The following GALNT13 variants were observed in gnomAD, a reference collection of about 807,000 sequenced individuals.
GALNT13 encodes the protein polypeptide N-acetylgalactosaminyltransferase 13.
In GALNT13, 28 loss-of-function variants were observed where a neutral mutation model predicts 64.2. The ratio of observed to expected loss-of-function variants is 0.44; its 90% CI spans 0.32 to 0.60. The LOEUF is 0.60. Ranked by LOEUF, GALNT13 falls within the 20% of genes least tolerant of loss-of-function variation. The pLI is 0.05. For synonymous variants in GALNT13, 214 were observed against 224.6 expected (o/e 0.95, Z 0.42); for missense variants, 577 against 669.8 (o/e 0.86, Z 1.53).
the GALNT13 span, among the ~76,000 whole-genome samples, chr2:153,467,836 CAGTG>C: frequency 1.3e-5 from 2 of 151,946 alleles, no homozygotes; most frequent in Non-Finnish European, 2.9e-5. Flanking sequence ...TAGAAGAAAA[CAGTG>C]AGAGGAGAAT....
At chr2:154,389,819 TA>T (rs1328795052) in intron 9 of GALNT13, among the ~76,000 whole-genome samples, 1 of 152,098 alleles carries the variant, frequency 6.6e-6, no homozygotes, top group African/African-American at 2.4e-5. Context: ...AAAAAAAATG[TA>T]ATTATGTGTA....
At position 154,313,597 on chromosome 2, in the gene GALNT13, G is replaced by A. The variant is rs918626942; in HGVS notation, c.1156+12008G>A. On this transcript the variant is annotated intron_variant, in intron 9 of 12. Coordinates refer to ENST00000392825, the MANE Select transcript of GALNT13 (RefSeq NM_052917.4). ...AGCCTCCCAAGTAGCTGGGACTATA[G>A]GCATGCATCACCATGCCCAGCTAAT... is the stretch of plus-strand genomic sequence containing the variant. Among the ~76,000 whole-genome samples, 14 of 151,838 alleles carry A rather than the reference G, an allele frequency of 9.2e-5. No individual in the cohort carries two copies. In the South Asian group the frequency reaches 2.9e-3, roughly 32 times the overall value.
At chr2:153,276,790 G>C in the GALNT13 span, among the ~76,000 whole-genome samples, 1 of 151,926 alleles carries the variant, frequency 6.6e-6, no homozygotes, top group Non-Finnish European at 1.5e-5. Flanking sequence ...ATATATTCTA[G>C]ATTTAGGTTC....
intron 3 of GALNT13, among the ~76,000 whole-genome samples, chr2:154,118,087 A>C (rs1681705112): frequency 6.6e-6 from 1 of 152,182 alleles, no homozygotes; most frequent in Non-Finnish European, 1.5e-5. Context: ...TCTGTTTATA[A>C]GTAGAGTATT....
chr2:153,767,389 G>A, the GALNT13 span, among the ~76,000 whole-genome samples: 2 of 151,956 alleles, frequency 1.3e-5, no homozygotes, highest in Admixed American at 1.3e-4. Flanking sequence ...CTTCACTATT[G>A]TAAGTTGTAC....
chr2:153,507,253 A>G, the GALNT13 span, among the ~76,000 whole-genome samples: 3 of 151,754 alleles, frequency 2.0e-5, no homozygotes, highest in Non-Finnish European at 2.9e-5. Flanking sequence ...CGTATCCTGC[A>G]TCATGTGTTT....
At chr2:153,141,445 G>T in the GALNT13 span, among the ~76,000 whole-genome samples, 2 of 152,034 alleles carry the variant, frequency 1.3e-5, no homozygotes, top group African/African-American at 2.4e-5. Flanking sequence ...AGTTGGGGCA[G>T]GGTAGAGGAA....
At chr2:153,993,539 C>CA (rs960307110) in intron 3 of GALNT13, among the ~76,000 whole-genome samples, 3 of 150,684 alleles carry the variant, frequency 2.0e-5, no homozygotes, top group Non-Finnish European at 3.0e-5. Context: ...ACTAAAAATA[C>CA]AAAAAAAATT....
chr2:153,833,988 T>C, the GALNT13 span, among the ~76,000 whole-genome samples: 1 of 131,822 alleles, frequency 7.6e-6, no homozygotes, highest in Admixed American at 7.2e-5. Context: ...TGGTGTGATT[T>C]CTTAACAATG....
chr2:154,176,379 A>T (rs1375382242), intron 4 of GALNT13, among the ~76,000 whole-genome samples: 1 of 151,300 alleles, frequency 6.6e-6, no homozygotes, highest in Non-Finnish European at 1.5e-5. Context: ...GGTTCTCCTG[A>T]GTAGCTGGGA....
At chr2:154,438,146 T>C (rs1405934) in intron 11 of GALNT13, among the ~76,000 whole-genome samples, 17,893 of 152,124 alleles carry the variant, frequency 0.12, 1,180 homozygotes, top group East Asian at 0.24. Context: ...ACTTACACGA[T>C]GTACTTATGT....
intron 3 of GALNT13, among the ~76,000 whole-genome samples, chr2:154,034,215 A>G (rs1207295854): frequency 2.6e-5 from 4 of 152,238 alleles, no homozygotes; most frequent in African/African-American, 2.4e-5. Context: ...ATTGGAAGCA[A>G]TTAACATGCA....
chr2:153,846,083 CAG>C, the GALNT13 span, among the ~76,000 whole-genome samples: 1 of 152,046 alleles, frequency 6.6e-6, no homozygotes, highest in Non-Finnish European at 1.5e-5. Flanking sequence ...AAGCAGTAAA[CAG>C]TAAAACGAAG....
At chr2:154,372,632 A>G (rs185467067) in intron 9 of GALNT13, among the ~76,000 whole-genome samples, 37 of 152,256 alleles carry the variant, frequency 2.4e-4, no homozygotes, top group Admixed American at 2.2e-3. Context: ...TTTCTTAGGA[A>G]GTGAGGTAAA....
intron 1 of GALNT13, among the ~76,000 whole-genome samples, chr2:153,893,494 C>A (rs1379493466): frequency 6.6e-6 from 1 of 151,796 alleles, no homozygotes; most frequent in Non-Finnish European, 1.5e-5. Context: ...CATTTTTACA[C>A]CATTTAGACG....
chr2:154,344,451 A>G (rs957419319), intron 9 of GALNT13, among the ~76,000 whole-genome samples: 1 of 94,448 alleles, frequency 1.1e-5, no homozygotes, highest in South Asian at 3.5e-4. Context: ...TAAAACTGTG[A>G]AGATATTAGC....
intron 3 of GALNT13, among the ~76,000 whole-genome samples, chr2:154,024,567 G>T (rs565042479): frequency 2.0e-5 from 3 of 152,022 alleles, no homozygotes; most frequent in Non-Finnish European, 4.4e-5. Context: ...ACTTCTCTGC[G>T]TTGGTTATTC....
intron 9 of GALNT13, among the ~76,000 whole-genome samples, chr2:154,327,986 A>T (rs1286931890): frequency 6.6e-6 from 1 of 151,918 alleles, no homozygotes; most frequent in Non-Finnish European, 1.5e-5. Flanking sequence ...TATTTTATAC[A>T]CTTGTATTTG....
chr2:153,856,019 A>G, the GALNT13 span, among the ~76,000 whole-genome samples: 1 of 152,176 alleles, frequency 6.6e-6, no homozygotes, highest in Non-Finnish European at 1.5e-5. Context: ...CAGAATAGGC[A>G]AATATGTAGA....
Sources: gnomAD v4.1 joint callset for allele counts (sites outside exome capture counted in the v4.1 genomes callset) on GRCh38, gnomAD v4.1.1 for gene constraint, MANE v1.5 for transcripts, NCBI Gene and HGNC (gene_info 2026-07-23, HGNC 2026-07-21) for gene names.